Variants in GPI observed in about 807,000 individuals in gnomAD.
GPI encodes D-hexose-6-phosphate anomerase.
In GPI, 56 loss-of-function variants were observed where a neutral mutation model predicts 75.8. The ratio of observed to expected loss-of-function variants is 0.74; its 90% CI spans 0.60 to 0.92. GPI has a LOEUF of 0.92. Ranked by LOEUF, GPI falls within the 40% of genes least tolerant of loss-of-function variation. The pLI is 0.00. For synonymous variants in GPI, 288 were observed against 285.4 expected, an observed-to-expected ratio of 1.01 and a Z score of -0.09; for missense variants, 638 against 741.0, an observed-to-expected ratio of 0.86 and a Z score of 1.61.
rs535185834 is a variant in GPI at position 34,394,022 on chromosome 19, C to G, written c.1018C>G (p.Pro340Ala). ...TGGGTGTGAGACACACGCCATGCTG[C>G]CCTATGACCAGTACCTGCACCGCTT... is the stretch of plus-strand genomic sequence containing the variant. ...CFGCETHAML[P>A]YDQYLHRFAA... The change falls in exon 12 of 18, where the codon CCC becomes GCC. Residue 340 changes from proline to alanine, a missense_variant. Physicochemically the swap from Pro to Ala is conservative, Grantham distance 27. Transcript: ENST00000356487. 1 of 1,613,046 alleles carries G rather than the reference C, an allele frequency of 6.2e-7. No individual in the cohort carries two copies. Among genetic ancestry groups the G allele is most frequent in the Admixed American group, 1.7e-5 (1 of 60,024 alleles).
At chr19:34,399,413 G>T in intron 15 of GPI, 78 bp downstream of exon 15, 2 of 1,599,254 alleles carry the variant, frequency 1.3e-6, no homozygotes, top group South Asian at 1.1e-5. Context: ...CAGGGGCTTG[G>T]GGCGTGCCTG....
At chr19:34,390,794 G>A (rs959270323) in intron 9 of GPI, among the ~76,000 whole-genome samples, 2 of 148,152 alleles carry the variant, frequency 1.3e-5, no homozygotes, top group African/African-American at 5.0e-5. Flanking sequence ...GTCTGAGGAG[G>A]TAGCACCTGG....
intron 9 of GPI, among the ~76,000 whole-genome samples, chr19:34,390,921 TG>T (rs2074816006): frequency 6.9e-6 from 1 of 144,624 alleles, no homozygotes; most frequent in South Asian, 2.4e-4. Flanking sequence ...TATGAGGATC[TG>T]GGTCTTCCTG....
intron 8 of GPI, 77 bp from the exon 9 acceptor site, chr19:34,381,389 G>T: frequency 1.0e-6 from 1 of 960,444 alleles, no homozygotes. Flanking sequence ...ACAGCTCCCT[G>T]CCTCCCGGAG....
upstream of GPI, among the ~76,000 whole-genome samples, chr19:34,364,211 T>C (rs1274669649): frequency 1.3e-5 from 2 of 151,872 alleles, no homozygotes; most frequent in African/African-American, 4.8e-5. Flanking sequence ...TTTAGTATTT[T>C]AGAAGCAGTG....
chr19:34,376,563 C>CAA lies in GPI; in HGVS notation c.403-924_403-923dup, dbSNP rs35716159. 3.3e-3 allele frequency among the ~76,000 whole-genome samples: 289 copies of CAA among 88,046 alleles called. 6 individuals are homozygous for CAA. The highest frequency in any genetic ancestry group is 9.7e-3 in the African/African-American group (248 of 25,652). 57.8% of individuals were successfully genotyped at this position (88,046 alleles called of 152,430 possible). A position where few individuals can be genotyped will look rare whatever the true frequency, so the allele number is the denominator to read the frequency against. Reference sequence around the variant, plus strand: ...TGGGCGACGGAGTGAGACCCTGTCTCAAAAAAAAAAAAAAAAAGGCTAAAG... The same window carrying CAA: ...TGGGCGACGGAGTGAGACCCTGTCTCAAAAAAAAAAAAAAAAAAAGGCTAAAG... On this transcript the variant is annotated intron_variant, in intron 4 of 17. Coordinates refer to ENST00000356487, the MANE Select transcript of GPI (RefSeq NM_000175.5).
At chr19:34,369,580 G>A (rs912808560) in intron 4 of GPI, among the ~76,000 whole-genome samples, 1 of 151,960 alleles carries the variant, frequency 6.6e-6, no homozygotes, top group Non-Finnish European at 1.5e-5. Context: ...GGTGACATAC[G>A]CCTGCAATCC....
At chr19:34,369,135 G>C (rs1027582024) in intron 4 of GPI, among the ~76,000 whole-genome samples, 1 of 150,484 alleles carries the variant, frequency 6.6e-6, no homozygotes, top group African/African-American at 2.5e-5. Context: ...TGCAACTTCC[G>C]CCTCCTGGAT....
intron 4 of GPI, among the ~76,000 whole-genome samples, chr19:34,370,052 C>T (rs1484349335): frequency 6.6e-6 from 1 of 152,242 alleles, no homozygotes; most frequent in African/African-American, 2.4e-5. Context: ...GGTTTTCTCC[C>T]TGCTCCTCTG....
At chr19:34,379,186 G>A (rs1352925025) in intron 7 of GPI, among the ~76,000 whole-genome samples, 181 bp downstream of exon 7, 1 of 152,236 alleles carries the variant, frequency 6.6e-6, no homozygotes, top group African/African-American at 2.4e-5. Context: ...ACCCAGCCTT[G>A]CAGATGTGAC....
intron 12 of GPI, 96 bp downstream of exon 12, chr19:34,394,162 GC>G: frequency 2.3e-6 from 2 of 879,416 alleles, no homozygotes; most frequent in Non-Finnish European, 3.7e-6. Flanking sequence ...GGAGCTCTTT[GC>G]CCCATTGCCC....
intron 1 of GPI, 39 bp downstream of exon 1, chr19:34,365,427 G>A: frequency 1.3e-6 from 2 of 1,531,586 alleles, no homozygotes; most frequent in Non-Finnish European, 1.7e-6. Context: ...CACGCGCGGC[G>A]CCCGGAACCG....
At chr19:34,368,151 C>T (rs1304502066) in intron 3 of GPI, among the ~76,000 whole-genome samples, 1 of 152,230 alleles carries the variant, frequency 6.6e-6, no homozygotes, top group Non-Finnish European at 1.5e-5. Context: ...GAATTCATGA[C>T]CTCAAGTTAT....
At chr19:34,382,438 G>A (rs902447963) in intron 9 of GPI, among the ~76,000 whole-genome samples, 1 of 152,136 alleles carries the variant, frequency 6.6e-6, no homozygotes, top group Non-Finnish European at 1.5e-5. Context: ...CATCCACTGT[G>A]TATAATGAGT....
chr19:34,365,336 C>G lies in GPI; in HGVS notation c.70C>G (p.Leu24Val). Residue 24 changes from leucine (L) to valine (V), a missense_variant, in exon 1 of 18, where the codon CTG becomes GTG. By Grantham distance (32) the Leu-to-Val change is conservative. Coordinates refer to ENST00000356487, the MANE Select transcript of GPI (RefSeq NM_000175.5). ...QQWYREHRSE[L>V]NLRRLFDANK... is the part of the protein sequence containing the mutation. ...ATGGTACCGCGAGCACCGCTCCGAG[C>G]TGAACCTGCGCCGCCTCTTCGATGC... 2 of 1,592,114 alleles carry G rather than the reference C, an allele frequency of 1.3e-6. No individual in the cohort carries two copies. The highest frequency in any genetic ancestry group is 2.3e-5 in the East Asian group (1 of 42,652).
chr19:34,384,036 G>A (rs2074695747), intron 9 of GPI, among the ~76,000 whole-genome samples: 1 of 152,226 alleles, frequency 6.6e-6, no homozygotes. Flanking sequence ...GAGGAGCCAA[G>A]ACTGTACTCA....
upstream of GPI, among the ~76,000 whole-genome samples, chr19:34,361,179 C>A (rs1279122972): frequency 6.6e-6 from 1 of 151,992 alleles, no homozygotes; most frequent in African/African-American, 2.4e-5. Context: ...TAAGCTCTGC[C>A]TCCTGGGTTC....
chr19:34,372,770 C>G (rs1201054822), intron 4 of GPI, among the ~76,000 whole-genome samples: 1 of 152,032 alleles, frequency 6.6e-6, no homozygotes. Flanking sequence ...GACCCTGTCT[C>G]TTTTTTGTTT....
rs1237861286 is a variant in GPI, at chr19:34,377,322, AAAAAAAAAAAAAAAAT to A, written c.403-179_403-164del. 1.1e-3 allele frequency among the ~76,000 whole-genome samples: 100 copies of A among 94,830 alleles called. 3 individuals are homozygous for A. Among genetic ancestry groups the A allele is most frequent in the Middle Eastern group, 4.7e-3 (1 of 214 alleles). The allele number at this position is 94,830 out of a possible 152,430, so 62.2% of individuals were successfully genotyped here. A position where few individuals can be genotyped will look rare whatever the true frequency, so the allele number is the denominator to read the frequency against. On this transcript the variant is annotated intron_variant, in intron 4 of 17. Coordinates refer to ENST00000356487, the MANE Select transcript of GPI (RefSeq NM_000175.5). ...ATCTCAAAAAAAAAAAAAAAAAAAA[AAAAAAAAAAAAAAAAT>A]ATATATATATATATATATATGGTAA...
Sources: gnomAD v4.1 joint callset for allele counts (sites outside exome capture counted in the v4.1 genomes callset) on GRCh38, gnomAD v4.1.1 for gene constraint, MANE v1.5 for transcripts, NCBI Gene and HGNC (gene_info 2026-07-23, HGNC 2026-07-21) for gene names.